Variants in ROBO1 observed in about 807,000 individuals in gnomAD.
ROBO1 encodes roundabout guidance receptor 1.
A neutral mutation model predicts 195.9 loss-of-function variants in ROBO1; 149 were observed. The observed-to-expected ratio is 0.76, with a 90% CI of 0.67 to 0.87. The LOEUF (loss-of-function observed/expected upper bound fraction) is 0.87. Among genes scored for constraint, ROBO1 ranks in the 40% least tolerant of loss-of-function variants. The probability of loss-of-function intolerance (pLI) is 0.00; values close to 1 mark genes in which losing one functional copy is unlikely to be tolerated. For missense variants in ROBO1, 1,933 were observed against 2,068.3 expected, an observed-to-expected ratio of 0.93 and a Z score of 1.27; for synonymous variants, 816 against 733.2, an observed-to-expected ratio of 1.11 and a Z score of -1.82.
chr3:79,016,169 A>T (rs1455870957), intron 3 of ROBO1, among the ~76,000 whole-genome samples: 1 of 152,226 alleles, frequency 6.6e-6, no homozygotes, highest in Non-Finnish European at 1.5e-5. Flanking sequence ...TCTGTGAAGT[A>T]TTATTCAAAT....
At chr3:79,551,884 GA>G (rs1942525491) in intron 2 of ROBO1, among the ~76,000 whole-genome samples, 1 of 147,054 alleles carries the variant, frequency 6.8e-6, no homozygotes, top group Admixed American at 7.1e-5. Context: ...GCATGGTCAG[GA>G]ATTAAAGTAT....
chr3:78,783,995 T>A (rs578211834), intron 4 of ROBO1, among the ~76,000 whole-genome samples: 2 of 152,262 alleles, frequency 1.3e-5, no homozygotes, highest in South Asian at 2.1e-4. Context: ...AGCAGGTTTT[T>A]AAGCATCTAA....
At chr3:79,166,627 G>A (rs1166159932) in intron 2 of ROBO1, among the ~76,000 whole-genome samples, 1 of 149,494 alleles carries the variant, frequency 6.7e-6, no homozygotes, top group Non-Finnish European at 1.5e-5. Context: ...GTGCAGTGGT[G>A]CAATCTCGGC....
At chr3:79,351,508 T>C (rs1321120186) in intron 2 of ROBO1, among the ~76,000 whole-genome samples, 1 of 152,136 alleles carries the variant, frequency 6.6e-6, no homozygotes. Context: ...TAAATAACAG[T>C]GAACCAAAAA....
At chr3:79,696,616 TATC>T (rs1576245129) in intron 1 of ROBO1, among the ~76,000 whole-genome samples, 1 of 151,334 alleles carries the variant, frequency 6.6e-6, no homozygotes, top group East Asian at 1.9e-4. Context: ...ATAAGGATAA[TATC>T]ATGATATCTG....
chr3:78,729,998 C>T (rs1280809386), intron 5 of ROBO1, among the ~76,000 whole-genome samples: 1 of 152,184 alleles, frequency 6.6e-6, no homozygotes, highest in Non-Finnish European at 1.5e-5. Context: ...CTCTTCCAAC[C>T]ATCTGGCTCT....
chr3:79,187,158 A>C (rs1213598843), intron 2 of ROBO1, among the ~76,000 whole-genome samples: 10 of 152,028 alleles, frequency 6.6e-5, no homozygotes, highest in African/African-American at 2.4e-4. Flanking sequence ...TTCTCATAGG[A>C]AAATATGTAA....
chr3:79,528,479 A>G (rs568750731), intron 2 of ROBO1, among the ~76,000 whole-genome samples: 1 of 152,338 alleles, frequency 6.6e-6, no homozygotes, highest in African/African-American at 2.4e-5. Context: ...AGATGGCAAA[A>G]TAAATATGCA....
At chr3:78,800,974 C>G (rs2084352893) in intron 4 of ROBO1, among the ~76,000 whole-genome samples, 1 of 152,154 alleles carries the variant, frequency 6.6e-6, no homozygotes, top group Non-Finnish European at 1.5e-5. Context: ...TCTTAATAAT[C>G]TATGCTCTTT....
chr3:79,489,596 A>C (rs1559935927), intron 2 of ROBO1, among the ~76,000 whole-genome samples: 1 of 150,364 alleles, frequency 6.7e-6, no homozygotes, highest in African/African-American at 2.4e-5. Flanking sequence ...CAGAGGTTGC[A>C]GTGAGCCGAG....
At chr3:79,051,427 C>A (rs1177852635) in intron 3 of ROBO1, among the ~76,000 whole-genome samples, 3 of 152,046 alleles carry the variant, frequency 2.0e-5, no homozygotes, top group African/African-American at 7.2e-5. Flanking sequence ...AGCATACCAA[C>A]CAAAAAAAGT....
chr3:78,828,538 T>C (rs2031847189), intron 4 of ROBO1, among the ~76,000 whole-genome samples: 2 of 152,182 alleles, frequency 1.3e-5, no homozygotes, highest in Admixed American at 1.3e-4. Context: ...GTTTCCATCA[T>C]AGAAATGGGA....
At chr3:78,801,671 A>G (rs1418815588) in intron 4 of ROBO1, among the ~76,000 whole-genome samples, 2 of 152,164 alleles carry the variant, frequency 1.3e-5, no homozygotes, top group Admixed American at 6.5e-5. Flanking sequence ...AGTTGTAAAT[A>G]TAACATGGGG....
intron 2 of ROBO1, among the ~76,000 whole-genome samples, chr3:79,561,539 T>C (rs1942921386): frequency 6.6e-6 from 1 of 152,094 alleles, no homozygotes; most frequent in Non-Finnish European, 1.5e-5. Context: ...ATAAAACACA[T>C]TGGATGTCAT....
intron 4 of ROBO1, among the ~76,000 whole-genome samples, chr3:78,811,956 C>T (rs936339181): frequency 1.2e-4 from 19 of 152,052 alleles, no homozygotes; most frequent in African/African-American, 4.3e-4. Context: ...CTGTCAGTCA[C>T]GCCCAAGCTC....
At position 78,633,731 on chromosome 3, in the gene ROBO1, A is replaced by G. The variant is rs574818267; in HGVS notation, c.3481+204T>C. Among the ~76,000 whole-genome samples, 4 of 152,316 alleles carry G rather than the reference A, an allele frequency of 2.6e-5. No homozygotes were observed. In the South Asian group the frequency reaches 8.3e-4, roughly 32 times the overall value. ...TAACAAGGAAGAAAATAGGACACTT[A>G]GTCTTTTTGCCAAATAGAACATAAA... On this transcript the variant is annotated intron_variant, in intron 24 of 30. Transcript: ENST00000464233.
intron 2 of ROBO1, among the ~76,000 whole-genome samples, chr3:79,420,019 C>A (rs777442510): frequency 6.6e-6 from 1 of 152,068 alleles, no homozygotes; most frequent in Non-Finnish European, 1.5e-5. Flanking sequence ...ATGGCATTAA[C>A]AGAAAATGAA....
At chr3:79,339,327 G>T (rs959260981) in intron 2 of ROBO1, among the ~76,000 whole-genome samples, 4 of 152,126 alleles carry the variant, frequency 2.6e-5, no homozygotes, top group African/African-American at 9.7e-5. Flanking sequence ...GACCGTAAGA[G>T]CCTGCTTGAT....
chr3:78,844,239 A>C (rs532604527), intron 4 of ROBO1, among the ~76,000 whole-genome samples: 1 of 152,136 alleles, frequency 6.6e-6, no homozygotes, highest in African/African-American at 2.4e-5. Context: ...TTAGAACTAA[A>C]CTAAACGGAG....
Sources: gnomAD v4.1 joint callset for allele counts (sites outside exome capture counted in the v4.1 genomes callset) on GRCh38, gnomAD v4.1.1 for gene constraint, MANE v1.5 for transcripts, NCBI Gene and HGNC (gene_info 2026-07-23, HGNC 2026-07-21) for gene names.